The following HMBOX1 variants were observed in gnomAD, a reference collection of about 807,000 sequenced individuals.
HMBOX1 encodes homeobox containing 1.
Under a neutral mutation model 54.5 loss-of-function variants are expected in HMBOX1, and 14 were observed. That is an observed-to-expected ratio of 0.26 (90% CI 0.17 to 0.40). The LOEUF is 0.40. Ranked by LOEUF, HMBOX1 falls within the 10% of genes least tolerant of loss-of-function variation. The pLI is 1.00. For synonymous variants in HMBOX1, 160 were observed against 181.0 expected (o/e 0.88, Z 0.93); for missense variants, 332 against 514.4 (o/e 0.65, Z 3.43).
chr8:28,898,860 C>T (rs1335894975), intron 1 of HMBOX1, among the ~76,000 whole-genome samples: 1 of 152,148 alleles, frequency 6.6e-6, no homozygotes, highest in African/African-American at 2.4e-5. Flanking sequence ...TATCCTTATC[C>T]CGTGACCTTG....
chr8:29,045,409 T>G lies in HMBOX1; in HGVS notation c.900T>G (p.Ile300Met). 6.2e-7 allele frequency: 1 copy of G among 1,614,192 alleles called. No individual in the cohort carries two copies. Among genetic ancestry groups the G allele is most frequent in the Non-Finnish European group, 8.5e-7 (1 of 1,179,994 alleles). Residue 300 changes from isoleucine to methionine, a missense_variant, in exon 7 of 10, where the codon ATT becomes ATG. This residue lies in a region of HMBOX1 where 117 missense variants were observed against 220.0 expected (regional missense o/e 0.53). Transcript: ENST00000287701. Reference protein sequence around the residue: ...QYPDEAKREEIANACNAVIQK... With the variant: ...QYPDEAKREEMANACNAVIQK... ...CAGATGAAGCAAAGAGGGAAGAAAT[T>G]GCAAACGCTTGCAATGCAGTTATAC...
chr8:28,992,598 C>T (rs149827498), intron 4 of HMBOX1, among the ~76,000 whole-genome samples: 41 of 152,068 alleles, frequency 2.7e-4, no homozygotes, highest in Middle Eastern at 3.4e-3. Context: ...TGGCTGGGCG[C>T]GGTGGCTCAT....
intron 6 of HMBOX1, among the ~76,000 whole-genome samples, chr8:29,023,545 GGCATGTGCCACCAT>G (rs763375155): frequency 5.3e-5 from 8 of 151,784 alleles, no homozygotes; most frequent in Non-Finnish European, 1.0e-4. Context: ...TGGGACTACA[GGCATGTGCCACCAT>G]GCCTGGCTAA....
intron 4 of HMBOX1, among the ~76,000 whole-genome samples, chr8:28,999,375 A>C (rs1832307028): frequency 6.6e-6 from 1 of 152,110 alleles, no homozygotes; most frequent in South Asian, 2.1e-4. Context: ...GATTTCTTTG[A>C]GTTAACCCTA....
chr8:28,998,401 A>AT (rs1349086852), intron 4 of HMBOX1, among the ~76,000 whole-genome samples: 1 of 151,740 alleles, frequency 6.6e-6, no homozygotes, highest in Non-Finnish European at 1.5e-5. Flanking sequence ...ATTATGTCTT[A>AT]TTTTTTCTAG....
At chr8:28,911,434 C>A (rs1415362308) in intron 1 of HMBOX1, among the ~76,000 whole-genome samples, 2 of 152,208 alleles carry the variant, frequency 1.3e-5, no homozygotes, top group Non-Finnish European at 2.9e-5. Flanking sequence ...CAGCTCACTG[C>A]AACCACTGCC....
chr8:28,899,857 A>G (rs1812869945), intron 1 of HMBOX1, among the ~76,000 whole-genome samples: 1 of 152,198 alleles, frequency 6.6e-6, no homozygotes, highest in East Asian at 1.9e-4. Flanking sequence ...CAGGAGATAA[A>G]TAGTTGGGGA....
chr8:28,892,026 C>T (rs995184290), intron 1 of HMBOX1, among the ~76,000 whole-genome samples: 1 of 152,090 alleles, frequency 6.6e-6, no homozygotes, highest in African/African-American at 2.4e-5. Context: ...TAAGTCCTTC[C>T]TTTCTTTCTT....
rs367563195 is a variant in HMBOX1 at position 28,970,475 on chromosome 8, A to G, written c.456A>G (p.Ser152=). The change falls in exon 3 of 10, where the codon TCA becomes TCG. Residue 152 remains serine, a synonymous_variant. Transcript: ENST00000287701. The surrounding 1 kb of genome is among the most constrained non-coding windows in gnomAD (Gnocchi z 4.3). The stretch of plus-strand genomic sequence containing the variant: ...AGAGGTCATACAGTTTTGAAGCCTC[A>G]GAAGAGGACCTAGATGTAGATGATA... ...MGQRSYSFEA[S]EEDLDVDDKV... 118 of 1,612,436 alleles carry G rather than the reference A, an allele frequency of 7.3e-5. No individual in the cohort carries two copies. The highest frequency in any genetic ancestry group is 9.7e-5 in the Non-Finnish European group (114 of 1,179,448).
intron 1 of HMBOX1, among the ~76,000 whole-genome samples, chr8:28,904,680 C>G (rs1401175530): frequency 6.6e-6 from 1 of 150,418 alleles, no homozygotes; most frequent in African/African-American, 2.4e-5. Flanking sequence ...ACTCTTCACA[C>G]TCTTTTTTTT....
Position 28,900,266 on chromosome 8 carries a change from A to AT in HMBOX1, c.-58+9588_-58+9589insT, listed in dbSNP as rs1319734190. Among the ~76,000 whole-genome samples, 124 of 95,844 alleles carry AT rather than the reference A, an allele frequency of 1.3e-3. 1 individual carries two copies. Among genetic ancestry groups the AT allele is most frequent in the African/African-American group, 2.6e-3 (78 of 30,408 alleles). The allele number at this position is 95,844 out of a possible 152,430, so 62.9% of individuals were successfully genotyped here. On this transcript the variant is annotated intron_variant, in intron 1 of 9. Coordinates refer to ENST00000287701, the MANE Select transcript of HMBOX1 (RefSeq NM_001135726.3). ...CAAGATTCCGTCTCAAAAAAAAAAA[A>AT]AAAAAATATATATATATATATATAT...
intron 1 of HMBOX1, among the ~76,000 whole-genome samples, chr8:28,931,071 T>TA (rs528997274): frequency 7.2e-5 from 11 of 152,344 alleles, no homozygotes; most frequent in South Asian, 6.2e-4. Flanking sequence ...TTGTTGTTGT[T>TA]ATCATGTTGA....
At chr8:28,983,182 C>A (rs1258466102) in intron 4 of HMBOX1, among the ~76,000 whole-genome samples, 1 of 152,224 alleles carries the variant, frequency 6.6e-6, no homozygotes, top group Non-Finnish European at 1.5e-5. Context: ...TCCTCCTCTT[C>A]ATTTCTACTC....
intron 4 of HMBOX1, among the ~76,000 whole-genome samples, chr8:28,989,380 T>A (rs1405730191): frequency 6.6e-6 from 1 of 152,248 alleles, no homozygotes; most frequent in Non-Finnish European, 1.5e-5. Flanking sequence ...CAATGGACCA[T>A]TTAAAATTAA....
At chr8:28,978,786 C>G (rs1448676194) in intron 3 of HMBOX1, among the ~76,000 whole-genome samples, 1 of 95,842 alleles carries the variant, frequency 1.0e-5, no homozygotes, top group Non-Finnish European at 1.9e-5. Flanking sequence ...GACTCCGTCT[C>G]AAAAAAAAAA....
At chr8:28,956,221 C>G (rs992113586) in intron 1 of HMBOX1, among the ~76,000 whole-genome samples, 2 of 151,850 alleles carry the variant, frequency 1.3e-5, no homozygotes, top group African/African-American at 4.8e-5. Flanking sequence ...CTGTTATTTC[C>G]TTGACTTCTA....
intron 6 of HMBOX1, among the ~76,000 whole-genome samples, chr8:29,044,159 T>A (rs955960347): frequency 6.6e-6 from 1 of 152,094 alleles, no homozygotes; most frequent in Non-Finnish European, 1.5e-5. Context: ...TTGCAGGTGA[T>A]CCTCAGGAAG....
At chr8:28,940,904 A>G (rs958207474) in intron 1 of HMBOX1, among the ~76,000 whole-genome samples, 1 of 152,262 alleles carries the variant, frequency 6.6e-6, no homozygotes, top group Non-Finnish European at 1.5e-5. Context: ...TAGTGGATAC[A>G]AAGTATAATA....
intron 1 of HMBOX1, among the ~76,000 whole-genome samples, chr8:28,925,011 A>ATT (rs879340697): frequency 1.5e-5 from 2 of 131,074 alleles, no homozygotes; most frequent in East Asian, 2.2e-4. Context: ...CCTATTAGTG[A>ATT]TTTTTTTTTT....
Sources: allele counts gnomAD v4.1 joint callset (sites outside exome capture counted in the v4.1 genomes callset), GRCh38; gene constraint gnomAD v4.1.1; regional missense constraint gnomAD v4.1.1; non-coding constraint Gnocchi (gnomAD v3.1); transcripts MANE v1.5; gene names NCBI Gene and HGNC (gene_info 2026-07-23, HGNC 2026-07-21).